CFAP74: variants seen among roughly 807,000 people sequenced by gnomAD.
The protein encoded by CFAP74 is cilia and flagella associated protein 74.
A neutral mutation model predicts 188.9 loss-of-function variants in CFAP74; 124 were observed. The observed-to-expected ratio is 0.66, with a 90% CI of 0.57 to 0.76. The LOEUF (loss-of-function observed/expected upper bound fraction) is 0.76, where lower values mean the gene tolerates loss of function less well. Among genes scored for constraint, CFAP74 ranks in the 30% least tolerant of loss-of-function variants. CFAP74 has a pLI of 0.00. For synonymous variants in CFAP74, 956 were observed against 916.7 expected, an observed-to-expected ratio of 1.04 and a Z score of -0.77; for missense variants, 2,198 against 2,165.2, an observed-to-expected ratio of 1.02 and a Z score of -0.30.
Position 1,926,546 on chromosome 1 carries a change from C to T in CFAP74, c.3773-34G>A, listed in dbSNP as rs541014412. On this transcript the variant is annotated intron_variant, in intron 30 of 38. Transcript: ENST00000682832. The stretch of plus-strand genomic sequence containing the variant: ...GGGCAGGGAGCGTCAGGCCCCAGCC[C>T]CAGGCCCCAGGGAGCGTCTCTGCCA... The T allele has an allele frequency of 3.2e-5, 49 of 1,549,748 alleles. No homozygotes were observed. In the East Asian group the frequency reaches 1.2e-3, roughly 37 times the overall value.
At chr1:1,963,423 C>T (rs1266630478) in intron 14 of CFAP74, among the ~76,000 whole-genome samples, 1 of 136,918 alleles carries the variant, frequency 7.3e-6, no homozygotes, top group African/African-American at 2.8e-5. Context: ...CGCACTTGCA[C>T]TCCAGCCTGG....
chr1:1,926,724 T>C lies in CFAP74; in HGVS notation c.3700A>G (p.Thr1234Ala). The C allele has an allele frequency of 6.5e-7, 1 of 1,550,078 alleles. No homozygotes were observed. The highest frequency in any genetic ancestry group is 8.7e-7 in the Non-Finnish European group (1 of 1,146,824). The part of the protein sequence containing the change: ...NTLYLELWCP[T>A]VAPSVVVTSH... ...GTCACCACAACAGATGGTGCCACCG[T>C]CGGGCACCACAGCTCCAGGTACAGG... Residue 1234 changes from threonine to alanine, a missense_variant, in exon 30 of 39, where the codon ACG (threonine) becomes GCG (alanine). Transcript: ENST00000682832.
At position 1,930,436 on chromosome 1, in the gene CFAP74, G is replaced by C. The variant is rs960814598; in HGVS notation, c.3012-100C>G. ...TGGGTGGAGGACAAGCCCCGGGGGG[G>C]GCTCACAGGGACATGCACGTTCCTG... On this transcript the variant is annotated intron_variant, in intron 25 of 38. Transcript: ENST00000682832. The C allele has an allele frequency of 5.3e-5, 65 of 1,224,256 alleles. No homozygotes were observed. In the African/African-American group the frequency reaches 8.7e-4, roughly 16 times the overall value. 75.8% of individuals were successfully genotyped at this position (1,224,256 alleles called of 1,614,324 possible).
chr1:1,928,737 A>G, intron 27 of CFAP74, 47 bp downstream of exon 27: 1 of 1,423,626 alleles, frequency 7.0e-7, no homozygotes, highest in East Asian at 2.5e-5. Flanking sequence ...TGTTCCTGCA[A>G]CAGGCCCTTC....
At position 1,970,658 on chromosome 1, in the gene CFAP74, C is replaced by T. The variant is rs1655887630; in HGVS notation, c.1046+1G>A. ...GGTGGCACCTCTGCCACCACCCTCA[C>T]CTCTTCTGGGCCTCCAGCTCCTGGC... On this transcript the variant is annotated splice_donor_variant, in intron 10 of 38. Transcript: ENST00000682832. LOFTEE classifies it high-confidence loss of function. 1 of 1,604,458 alleles carries T rather than the reference C, an allele frequency of 6.2e-7. No individual in the cohort carries two copies. The highest frequency in any genetic ancestry group is 1.7e-5 in the Admixed American group (1 of 57,980).
chr1:1,972,395 TGAC>T (rs1317584922), intron 8 of CFAP74, among the ~76,000 whole-genome samples: 2 of 152,232 alleles, frequency 1.3e-5, no homozygotes, highest in Non-Finnish European at 2.9e-5. Context: ...GGCCGGGCCA[TGAC>T]GACATGGTGG....
chr1:2,001,676 G>A (rs1658218056), intron 1 of CFAP74, among the ~76,000 whole-genome samples: 1 of 152,156 alleles, frequency 6.6e-6, no homozygotes. Flanking sequence ...TGGAGATGTT[G>A]GCAGATACCA....
chr1:2,003,232 T>C (rs1035234548), intron 1 of CFAP74, among the ~76,000 whole-genome samples: 1 of 152,250 alleles, frequency 6.6e-6, no homozygotes, highest in African/African-American at 2.4e-5. Context: ...ACAGCAGGCC[T>C]GCTTACTACC....
chr1:1,954,716 G>C, intron 18 of CFAP74: 2 of 821,652 alleles, frequency 2.4e-6, no homozygotes, highest in South Asian at 4.1e-5. Context: ...CCGGGAGGTC[G>C]AGGCTGCAGT....
chr1:1,925,921 G>A lies in CFAP74; in HGVS notation c.3966C>T (p.Asp1322=), dbSNP rs1402384383. 1 of 1,610,378 alleles carries A rather than the reference G, an allele frequency of 6.2e-7. No individual in the cohort carries two copies. The highest frequency in any genetic ancestry group is 1.7e-5 in the Admixed American group (1 of 59,596). ...TGAGCGTGCCTCTCTTGGTGATGAT[G>A]TCCAGTGTTTCTTGAGCCTAAAGAG... ...HESILAQETL[D]IITKRGTLTL... The change falls in exon 33 of 39, where the codon GAC becomes GAT. Residue 1322 remains aspartate, a synonymous_variant. Coordinates refer to ENST00000682832, the MANE Select transcript of CFAP74 (RefSeq NM_001304360.2).
At chr1:1,970,974 ACC>A (rs1354505620) in intron 9 of CFAP74, among the ~76,000 whole-genome samples, 158 bp from the exon 10 acceptor site, 1 of 149,176 alleles carries the variant, frequency 6.7e-6, no homozygotes, top group Admixed American at 6.6e-5. Flanking sequence ...ACACATGCAC[ACC>A]TGCACACACG....
Position 1,985,586 on chromosome 1 carries a change from A to T in CFAP74, c.396-96T>A, listed in dbSNP as rs556607626. On this transcript the variant is annotated intron_variant, in intron 5 of 38. Coordinates refer to ENST00000682832, the MANE Select transcript of CFAP74 (RefSeq NM_001304360.2). Reference sequence around the variant, plus strand: ...GGCACTCCCTGGCCTCCTCTCGCTCAGGAGGGAAATCTCGGCACTGGGCCA... The same window carrying T: ...GGCACTCCCTGGCCTCCTCTCGCTCTGGAGGGAAATCTCGGCACTGGGCCA... The T allele has an allele frequency of 4.9e-5, 49 of 997,476 alleles. No homozygotes were observed. In the African/African-American group the frequency reaches 6.2e-4, roughly 13 times the overall value. 61.8% of individuals were successfully genotyped at this position (997,476 alleles called of 1,614,324 possible).
At chr1:1,970,953 A>C (rs915246318) in intron 9 of CFAP74, 137 bp from the exon 10 acceptor site, 4 of 1,039,722 alleles carry the variant, frequency 3.8e-6, no homozygotes, top group South Asian at 2.9e-5. Flanking sequence ...ACACCTGCAC[A>C]TGCACACATC....
intron 38 of CFAP74, 97 bp from the exon 39 acceptor site, chr1:1,922,485 G>T: frequency 6.5e-7 from 1 of 1,543,940 alleles, no homozygotes; most frequent in Non-Finnish European, 8.8e-7. Context: ...GACTCCCTTG[G>T]GTCCTCCACG....
At chr1:1,984,982 T>C (rs1657139465) in intron 6 of CFAP74, 1 of 181,812 alleles carries the variant, frequency 5.5e-6, no homozygotes, top group Middle Eastern at 2.5e-3. Context: ...GAGAAATTCG[T>C]GCACCTTCCC....
At chr1:1,985,265 TC>T in intron 6 of CFAP74, 120 bp downstream of exon 6, 1 of 771,430 alleles carries the variant, frequency 1.3e-6, no homozygotes, top group Non-Finnish European at 2.2e-6. Context: ...CCTTTCCACT[TC>T]CCCGCAGTTT....
intron 3 of CFAP74, 66 bp downstream of exon 3, chr1:1,988,822 AC>A (rs1269513983): frequency 2.3e-4 from 37 of 162,294 alleles, no homozygotes; most frequent in East Asian, 7.0e-4. Context: ...CCCTTCACCC[AC>A]CCCCCCACCC....
intron 25 of CFAP74, among the ~76,000 whole-genome samples, chr1:1,932,307 G>A (rs1310693425): frequency 6.6e-6 from 1 of 150,466 alleles, no homozygotes; most frequent in African/African-American, 2.4e-5. Context: ...TGAGGCAGGA[G>A]AATGGCGTGA....
chr1:1,963,836 T>C lies in CFAP74; in HGVS notation c.1607A>G (p.Lys536Arg). The change falls in exon 14 of 39, where the codon AAG becomes AGG. Residue 536 changes from lysine (K) to arginine (R), a missense_variant. By Grantham distance (26) the Lys-to-Arg change is conservative (BLOSUM62 2). Transcript: ENST00000682832. ...DFDIGKVYKK[K>R]ITLVNTTYTI... Reference sequence around the variant, plus strand: ...GTAGGTGGTGTTTACCAACGTGATCTTTTTCTTGTACACTTTGCCAATATC... The same window carrying C: ...GTAGGTGGTGTTTACCAACGTGATCCTTTTCTTGTACACTTTGCCAATATC... 1.9e-6 allele frequency: 3 copies of C among 1,613,766 alleles called. No individual in the cohort carries two copies. Among genetic ancestry groups the C allele is most frequent in the Non-Finnish European group, 1.7e-6 (2 of 1,179,810 alleles).
Sources: gnomAD v4.1 joint callset for allele counts (sites outside exome capture counted in the v4.1 genomes callset) on GRCh38, gnomAD v4.1.1 for gene constraint, MANE v1.5 for transcripts, NCBI Gene and HGNC (gene_info 2026-07-23, HGNC 2026-07-21) for gene names.